Variants in HYLS1 observed in about 807,000 individuals in gnomAD.
The protein encoded by HYLS1 is centriolar and ciliogenesis-associated protein HYLS1.
In HYLS1, 25 loss-of-function variants were observed where a neutral mutation model predicts 29.4. The ratio of observed to expected loss-of-function variants is 0.85; its 90% CI spans 0.62 to 1.19. The LOEUF (loss-of-function observed/expected upper bound fraction) is 1.19. Ranked by LOEUF, HYLS1 falls within the 50% of genes most tolerant of loss-of-function variation. HYLS1 has a pLI of 0.00. For missense variants in HYLS1, 352 were observed against 365.1 expected, an observed-to-expected ratio of 0.96 and a Z score of 0.29; for synonymous variants, 128 against 126.7, an observed-to-expected ratio of 1.01 and a Z score of -0.07.
intron 1 of HYLS1, among the ~76,000 whole-genome samples, chr11:125,889,866 A>T (rs1017235159): frequency 1.3e-5 from 2 of 152,160 alleles, no homozygotes; most frequent in African/African-American, 4.8e-5. Context: ...GTACTGAAAA[A>T]ATCTTATCAA....
upstream of HYLS1, among the ~76,000 whole-genome samples, chr11:125,886,335 C>T (rs541270357): frequency 1.3e-5 from 2 of 152,258 alleles, no homozygotes; most frequent in South Asian, 4.1e-4. Flanking sequence ...AGAGATAATA[C>T]GAAGTGTTTG....
chr11:125,899,288 C>A, intron 2 of HYLS1, 56 bp from the exon 3 acceptor site: 1 of 1,289,934 alleles, frequency 7.8e-7, no homozygotes, highest in Non-Finnish European at 1.1e-6. Context: ...AGGGAATGAG[C>A]AATTTATGAG....
At position 125,890,862 on chromosome 11, in the gene HYLS1, T is replaced by C. The variant is rs112840533; in HGVS notation, c.-75-561T>C. On this transcript the variant is annotated intron_variant, in intron 1 of 2. Transcript: ENST00000425380. ...ATCTTCATATGTTCAAGGAAAAAAA[T>C]AGGAGTGTGACACAGTTGAAATGCA... 2.1e-4 allele frequency among the ~76,000 whole-genome samples: 32 copies of C among 152,094 alleles called. 1 individual carries two copies. Among genetic ancestry groups the C allele is most frequent in the African/African-American group, 7.7e-4 (32 of 41,470 alleles).
intron 2 of HYLS1, chr11:125,894,378 G>A: frequency 9.9e-7 from 1 of 1,005,734 alleles, no homozygotes; most frequent in South Asian, 1.6e-5. Context: ...AAGGGAGCCG[G>A]GTAGGGCGCC....
intron 2 of HYLS1, among the ~76,000 whole-genome samples, chr11:125,894,958 T>C (rs1944529229): frequency 6.6e-6 from 1 of 152,114 alleles, no homozygotes; most frequent in Non-Finnish European, 1.5e-5. Flanking sequence ...TACATGTTCA[T>C]AACATTCTAC....
Position 125,900,218 on chromosome 11 carries a change from G to A in HYLS1, c.850G>A (p.Ala284Thr), listed in dbSNP as rs766123529. The change falls in exon 3 of 3, where the codon GCA becomes ACA. Residue 284 changes from alanine (A) to threonine (T), a missense_variant. Coordinates refer to ENST00000425380, the MANE Select transcript of HYLS1 (RefSeq NM_001134793.2). ...CCGTTGGGGTGTTCGTTGTGACCTT[G>A]CAAATGGTGTCATACCCAGGAAGCT... The part of the protein sequence containing the change: ...ALRWGVRCDL[A>T]NGVIPRKLPF... 2 of 1,614,138 alleles carry A rather than the reference G, an allele frequency of 1.2e-6. No individual in the cohort carries two copies. Among genetic ancestry groups the A allele is most frequent in the East Asian group, 4.5e-5 (2 of 44,886 alleles).
intron 2 of HYLS1, chr11:125,895,516 C>T: frequency 1.2e-6 from 2 of 1,614,098 alleles, no homozygotes; most frequent in Non-Finnish European, 1.7e-6. Flanking sequence ...TCATGGGTGC[C>T]AACATACTTC....
At chr11:125,893,696 T>G in intron 2 of HYLS1, 1 of 1,023,730 alleles carries the variant, frequency 9.8e-7, no homozygotes, top group Non-Finnish European at 1.4e-6. Context: ...TCATCTGAAT[T>G]CCTAGTACTT....
At position 125,899,725 on chromosome 11, in the gene HYLS1, A is replaced by G; in HGVS notation, c.357A>G (p.Glu119=). The G allele has an allele frequency of 1.9e-6, 3 of 1,614,216 alleles. No individual in the cohort carries two copies. The highest frequency in any genetic ancestry group is 2.5e-6 in the Non-Finnish European group (3 of 1,180,012). The stretch of plus-strand genomic sequence containing the variant: ...ATGAGTCGATTATCAGTGAATCAGA[A>G]TCTGGTACAGAAAATGATCAGGATC... The part of the protein sequence containing the change: ...VTDESIISES[E]SGTENDQDLW... The change falls in exon 3 of 3, where the codon GAA becomes GAG. Residue 119 remains glutamate (E), a synonymous_variant. Transcript: ENST00000425380.
At chr11:125,898,300 C>G (rs566772292) in intron 2 of HYLS1, among the ~76,000 whole-genome samples, 1 of 152,258 alleles carries the variant, frequency 6.6e-6, no homozygotes, top group East Asian at 1.9e-4. Context: ...AGTCAGGAAA[C>G]TAGCATTGGG....
At chr11:125,888,469 A>T (rs976526334) in intron 1 of HYLS1, among the ~76,000 whole-genome samples, 16 of 152,288 alleles carry the variant, frequency 1.1e-4, no homozygotes, top group African/African-American at 3.8e-4. Flanking sequence ...GCAGTTTGGC[A>T]TTATAAATCA....
At chr11:125,884,503 G>A (rs1156931711), upstream of HYLS1, among the ~76,000 whole-genome samples, 8 of 152,190 alleles carry the variant, frequency 5.3e-5, no homozygotes, top group Non-Finnish European at 8.8e-5. Flanking sequence ...CAGCTACTCC[G>A]GAGGCTGAGG....
chr11:125,892,378 G>A (rs1256197949), intron 2 of HYLS1, among the ~76,000 whole-genome samples: 2 of 152,158 alleles, frequency 1.3e-5, no homozygotes, highest in African/African-American at 2.4e-5. Flanking sequence ...TTATTTTTAT[G>A]GTTGCAAAGG....
intron 2 of HYLS1, chr11:125,894,381 A>G: frequency 2.1e-6 from 2 of 974,800 alleles, no homozygotes; most frequent in Non-Finnish European, 3.0e-6. Context: ...GGAGCCGGGT[A>G]GGGCGCCACC....
intron 2 of HYLS1, among the ~76,000 whole-genome samples, chr11:125,892,963 A>G (rs1260119339): frequency 2.0e-5 from 3 of 152,224 alleles, no homozygotes; most frequent in Admixed American, 6.5e-5. Context: ...ATATGTTGTC[A>G]TCTCTAACCC....
rs573833048 is a variant in HYLS1, at chr11:125,897,754, G to A, written c.-25-1590G>A. ...GAATAGAGACACAAGCTCTATTAAT[G>A]TATGGTCAGTACAGCTTCTTTGGAG... On this transcript the variant is annotated intron_variant, in intron 2 of 2. Transcript: ENST00000425380. Among the ~76,000 whole-genome samples the A allele has an allele frequency of 2.0e-5, 3 of 152,298 alleles. No individual in the cohort carries two copies. In the South Asian group the frequency reaches 6.2e-4, roughly 32 times the overall value.
chr11:125,895,921 T>C, intron 2 of HYLS1: 2 of 1,613,154 alleles, frequency 1.2e-6, no homozygotes, highest in Non-Finnish European at 8.5e-7. Context: ...CCAAAGGCAC[T>C]AACTCCTTTA....
intron 2 of HYLS1, chr11:125,896,093 G>A (rs1254985695): frequency 6.2e-6 from 10 of 1,614,146 alleles, no homozygotes; most frequent in South Asian, 1.1e-5. Context: ...TTAGGGCTAC[G>A]TGTCTTCGGC....
chr11:125,891,893 C>T (rs915025273), intron 2 of HYLS1, among the ~76,000 whole-genome samples: 3 of 152,136 alleles, frequency 2.0e-5, no homozygotes, highest in East Asian at 1.9e-4. Context: ...TTTCTGTGGT[C>T]CACCCCCCTT....
Sources: allele counts gnomAD v4.1 joint callset (sites outside exome capture counted in the v4.1 genomes callset), GRCh38; gene constraint gnomAD v4.1.1; transcripts MANE v1.5; gene names NCBI Gene and HGNC (gene_info 2026-07-23, HGNC 2026-07-21).